The following HERC2 variants were observed in gnomAD, a reference collection of about 807,000 sequenced individuals.
HERC2 encodes the protein HECT and RLD domain containing E3 ubiquitin protein ligase 2.
A neutral mutation model predicts 537.7 loss-of-function variants in HERC2; 102 were observed. The observed-to-expected ratio is 0.19, with a 90% CI of 0.16 to 0.22. HERC2 has a LOEUF of 0.22. Ranked by LOEUF, HERC2 falls within the 10% of genes least tolerant of loss-of-function variation. The probability of loss-of-function intolerance (pLI) is 1.00; values close to 1 mark genes in which losing one functional copy is unlikely to be tolerated. For synonymous variants in HERC2, 2,224 were observed against 2,466.2 expected, an observed-to-expected ratio of 0.90 and a Z score of 2.91; for missense variants, 4,236 against 6,198.2, an observed-to-expected ratio of 0.68 and a Z score of 10.63.
intron 55 of HERC2, chr15:28,190,175 ATTTT>A (rs774381604): frequency 3.4e-5 from 4 of 118,302 alleles, no homozygotes; most frequent in Non-Finnish European, 1.8e-5. Context: ...CGCCCGGCTA[ATTTT>A]TTTTTTTTTT....
At chr15:28,182,336 A>G (rs1895900663) in intron 57 of HERC2, 65 bp downstream of exon 57, 2 of 969,640 alleles carry the variant, frequency 2.1e-6, no homozygotes, top group Non-Finnish European at 3.3e-6. Context: ...TTATTATAGA[A>G]ACTTCACGAG....
intron 80 of HERC2, 117 bp downstream of exon 80, chr15:28,132,536 C>T: frequency 9.5e-7 from 1 of 1,058,114 alleles, no homozygotes. Flanking sequence ...CCCAAAAATA[C>T]AGTGGGCCTT....
Position 28,141,722 on chromosome 15 carries a change from T to C in HERC2, c.11816+9A>G, listed in dbSNP as rs372842046. On this transcript the variant is annotated intron_variant, in intron 77 of 92. Transcript: ENST00000261609. ...GATCGACATTACTGCTTGTTTCTAA[T>C]ATAATAACCTGTTCATCCACTGCAC... 1 of 1,612,558 alleles carries C rather than the reference T, an allele frequency of 6.2e-7. No homozygotes were observed. The highest frequency in any genetic ancestry group is 8.5e-7 in the Non-Finnish European group (1 of 1,178,532).
At position 28,175,525 on chromosome 15, in the gene HERC2, G is replaced by A. The variant is rs1468858690; in HGVS notation, c.9818C>T (p.Thr3273Met). ...CTGCAGCCTTACCTGCCCCGAGTCCGTGACCGCCAGGCAGTGCAGGGCCCC... is the reference window on the plus strand; with the variant it reads ...CTGCAGCCTTACCTGCCCCGAGTCCATGACCGCCAGGCAGTGCAGGGCCCC... ...AVGALHCLAV[T>M]DSGQVYAWGD... is the part of the protein sequence containing the mutation. Residue 3273 changes from threonine to methionine, a missense_variant, in exon 64 of 93, where the codon ACG becomes ATG. Transcript: ENST00000261609. 6.8e-6 allele frequency: 11 copies of A among 1,612,358 alleles called. No individual in the cohort carries two copies. The highest frequency in any genetic ancestry group is 1.1e-5 in the South Asian group (1 of 90,754).
chr15:28,244,340 C>CTAGT (rs1367314235), intron 23 of HERC2, among the ~76,000 whole-genome samples: 2 of 152,136 alleles, frequency 1.3e-5, no homozygotes, highest in Non-Finnish European at 2.9e-5. Flanking sequence ...TACGTACCGT[C>CTAGT]TAGTTCCACT....
intron 92 of HERC2, among the ~76,000 whole-genome samples, chr15:28,112,362 A>C (rs1887739904): frequency 2.0e-5 from 3 of 152,174 alleles, no homozygotes; most frequent in African/African-American, 7.2e-5. Context: ...TCATGAGTCT[A>C]CCAGCCCAAC....
intron 15 of HERC2, 51 bp from the exon 16 acceptor site, chr15:28,261,021 G>T: frequency 1.4e-6 from 2 of 1,397,184 alleles, no homozygotes; most frequent in Non-Finnish European, 9.9e-7. Context: ...GACTTCCGCT[G>T]CAAGAAAGAT....
At chr15:28,289,632 G>A (rs948417723) in intron 4 of HERC2, among the ~76,000 whole-genome samples, 5 of 152,198 alleles carry the variant, frequency 3.3e-5, no homozygotes, top group Non-Finnish European at 5.9e-5. Flanking sequence ...ACTGGTATTC[G>A]CTAAGAGAAG....
intron 2 of HERC2, among the ~76,000 whole-genome samples, chr15:28,316,381 T>C (rs1045906583): frequency 6.6e-6 from 1 of 152,074 alleles, no homozygotes; most frequent in Non-Finnish European, 1.5e-5. Flanking sequence ...GGCTCATACA[T>C]GTAATCACAG....
intron 2 of HERC2, among the ~76,000 whole-genome samples, chr15:28,310,122 T>C (rs1239756302): frequency 2.0e-5 from 3 of 152,090 alleles, no homozygotes; most frequent in African/African-American, 4.8e-5. Flanking sequence ...CTAGGCAACA[T>C]AGCAAGACCG....
intron 2 of HERC2, among the ~76,000 whole-genome samples, chr15:28,301,755 ATATATATATATATATATATATATATGGGT>A (rs2076638354): frequency 8.6e-6 from 1 of 115,830 alleles, no homozygotes; most frequent in Admixed American, 8.5e-5. Flanking sequence ...ATATATATAT[ATATATATATATATATATATATATATGGGT>A]TATATATTCT....
At chr15:28,170,691 C>A (rs1894607176) in intron 65 of HERC2, among the ~76,000 whole-genome samples, 1 of 151,908 alleles carries the variant, frequency 6.6e-6, no homozygotes, top group Non-Finnish European at 1.5e-5. Context: ...CACTTTCGTT[C>A]TATGAAAGGA....
rs899678019 is a variant in HERC2, at chr15:28,124,878, T to C, written c.12990+128A>G. 5 of 966,856 alleles carry C rather than the reference T, an allele frequency of 5.2e-6. No individual in the cohort carries two copies. The African/African-American group carries it at 6.5e-5, about 13-fold the overall frequency. 59.9% of individuals were successfully genotyped at this position (966,856 alleles called of 1,614,324 possible). On this transcript the variant is annotated intron_variant, in intron 84 of 92. Transcript: ENST00000261609. ...TATCAAGGTTCTTAAATGCACTGTGTGGTTAACATTTACTGAGCCTGAATT... is the reference window on the plus strand; with the variant it reads ...TATCAAGGTTCTTAAATGCACTGTGCGGTTAACATTTACTGAGCCTGAATT...
intron 79 of HERC2, among the ~76,000 whole-genome samples, chr15:28,134,837 AT>A (rs763915694): frequency 1.1e-4 from 16 of 150,762 alleles, no homozygotes; most frequent in African/African-American, 1.7e-4. Context: ...CATCTGGCTA[AT>A]TTTTTTCTAT....
At position 28,198,740 on chromosome 15, in the gene HERC2, C is replaced by T. The variant is rs780350089; in HGVS notation, c.7746G>A (p.Ala2582=). The change falls in exon 49 of 93, where the codon GCG becomes GCA. Residue 2582 remains alanine, a synonymous_variant. Coordinates refer to ENST00000261609, the MANE Select transcript of HERC2 (RefSeq NM_004667.6). The stretch of plus-strand genomic sequence containing the variant: ...CATCACCTTCGCACACTTCTTCATA[C>T]GCTCGGCAGCATCTAACCATCATTC... ...QVGMMVRCCR[A]YEEVCEGDVG... The T allele has an allele frequency of 2.7e-5, 44 of 1,613,526 alleles. No individual in the cohort carries two copies. The highest frequency in any genetic ancestry group is 8.8e-5 in the South Asian group (8 of 90,980).
At chr15:28,225,025 T>C (rs1054018016) in intron 35 of HERC2, among the ~76,000 whole-genome samples, 2 of 152,204 alleles carry the variant, frequency 1.3e-5, no homozygotes, top group Non-Finnish European at 2.9e-5. Context: ...AAAGTCTGCA[T>C]TTACAAAAGA....
At chr15:28,162,299 C>T (rs1893684750) in intron 69 of HERC2, among the ~76,000 whole-genome samples, 1 of 152,324 alleles carries the variant, frequency 6.6e-6, no homozygotes, top group South Asian at 2.1e-4. Flanking sequence ...CGCCACCGCA[C>T]TCCAGCCCGG....
chr15:28,142,440 T>C (rs1263053808), intron 75 of HERC2, 47 bp from the exon 76 acceptor site: 5 of 1,583,710 alleles, frequency 3.2e-6, no homozygotes, highest in African/African-American at 1.4e-5. Context: ...AGAAATGCAG[T>C]GAACAGGCCA....
At chr15:28,179,066 T>C (rs756826836) in intron 58 of HERC2, 36 bp from the exon 59 acceptor site, 1 of 1,608,698 alleles carries the variant, frequency 6.2e-7, no homozygotes, top group East Asian at 2.2e-5. Flanking sequence ...GACTCTCTTT[T>C]CACAACATTA....
Sources: allele counts gnomAD v4.1 joint callset (sites outside exome capture counted in the v4.1 genomes callset), GRCh38; gene constraint gnomAD v4.1.1; transcripts MANE v1.5; gene names NCBI Gene and HGNC (gene_info 2026-07-23, HGNC 2026-07-21).